The following RPS6KC1 variants were observed in gnomAD, a reference collection of about 807,000 sequenced individuals.
RPS6KC1 encodes inactive ribosomal protein S6 kinase delta-1.
Under a neutral mutation model 103.8 loss-of-function variants are expected in RPS6KC1, and 54 were observed. The observed-to-expected ratio is 0.52, with a 90% CI of 0.42 to 0.65. RPS6KC1 has a LOEUF of 0.65. Among genes scored for constraint, RPS6KC1 ranks in the 30% least tolerant of loss-of-function variants. RPS6KC1 has a pLI of 0.00. For synonymous variants in RPS6KC1, 439 were observed against 438.7 expected (o/e 1.00, Z -0.01); for missense variants, 1,151 against 1,253.8 (o/e 0.92, Z 1.24).
At chr1:213,153,331 A>C (rs993237588) in intron 6 of RPS6KC1, among the ~76,000 whole-genome samples, 1 of 151,738 alleles carries the variant, frequency 6.6e-6, no homozygotes, top group African/African-American at 2.4e-5. Context: ...GGGCAGGGGC[A>C]GGGGCAGAGG....
chr1:213,640,831 A>G, the RPS6KC1 span, among the ~76,000 whole-genome samples: 1 of 151,874 alleles, frequency 6.6e-6, no homozygotes. Context: ...TGAATTGTTC[A>G]TGTTCACTTA....
At chr1:213,692,134 G>A in the RPS6KC1 span, among the ~76,000 whole-genome samples, 1 of 152,214 alleles carries the variant, frequency 6.6e-6, no homozygotes, top group African/African-American at 2.4e-5. Context: ...CAAGGACAGT[G>A]GCTCACACCT....
the RPS6KC1 span, among the ~76,000 whole-genome samples, chr1:213,769,937 T>A: frequency 2.6e-5 from 4 of 151,966 alleles, no homozygotes; most frequent in Admixed American, 2.6e-4. Context: ...TTCTGGAGAG[T>A]GTGAAAATCT....
the RPS6KC1 span, among the ~76,000 whole-genome samples, chr1:213,359,939 T>C: frequency 6.6e-6 from 1 of 152,136 alleles, no homozygotes; most frequent in South Asian, 2.1e-4. Context: ...GTTAGTCTGA[T>C]GGGCTTCCCT....
the RPS6KC1 span, among the ~76,000 whole-genome samples, chr1:213,442,552 G>T: frequency 1.4e-4 from 22 of 152,190 alleles, 1 homozygote; most frequent in Admixed American, 1.4e-3. Context: ...CTAAACCTTA[G>T]TTTCCTCATC....
At chr1:213,780,317 C>G in the RPS6KC1 span, among the ~76,000 whole-genome samples, 2 of 152,154 alleles carry the variant, frequency 1.3e-5, no homozygotes, top group Non-Finnish European at 2.9e-5. Flanking sequence ...CAAAAAGCAG[C>G]GGCCAGATGC....
intron 4 of RPS6KC1, among the ~76,000 whole-genome samples, chr1:213,116,507 A>G (rs1052135099): frequency 4.4e-5 from 5 of 113,478 alleles, no homozygotes; most frequent in Non-Finnish European, 7.1e-5. Flanking sequence ...TCTTTATCCA[A>G]TTTGCCAGTC....
At chr1:213,580,592 G>A in the RPS6KC1 span, among the ~76,000 whole-genome samples, 1 of 151,976 alleles carries the variant, frequency 6.6e-6, no homozygotes, top group Admixed American at 6.5e-5. Context: ...TTCATGAAAG[G>A]AAGAGTCGAT....
At chr1:213,764,134 T>A in the RPS6KC1 span, among the ~76,000 whole-genome samples, 1 of 152,196 alleles carries the variant, frequency 6.6e-6, no homozygotes, top group Non-Finnish European at 1.5e-5. Context: ...ACAGCCCCAG[T>A]GAAGTAGCAG....
intron 3 of RPS6KC1, among the ~76,000 whole-genome samples, chr1:213,079,430 A>AT (rs1468055237): frequency 5.3e-5 from 8 of 151,948 alleles, no homozygotes; most frequent in Non-Finnish European, 1.2e-4. Context: ...TATTATTATT[A>AT]TTTTTTGAGA....
At chr1:213,558,338 C>T in the RPS6KC1 span, among the ~76,000 whole-genome samples, 2 of 152,194 alleles carry the variant, frequency 1.3e-5, no homozygotes, top group African/African-American at 2.4e-5. Context: ...TGGCTTGCGG[C>T]ACCTGCCTCT....
At chr1:213,615,331 A>T in the RPS6KC1 span, among the ~76,000 whole-genome samples, 1 of 152,256 alleles carries the variant, frequency 6.6e-6, no homozygotes, top group East Asian at 1.9e-4. Context: ...TGGAAGGAAC[A>T]GTACAGGGGC....
chr1:213,717,303 T>C, the RPS6KC1 span, among the ~76,000 whole-genome samples: 1 of 152,336 alleles, frequency 6.6e-6, no homozygotes, highest in Non-Finnish European at 1.5e-5. Context: ...ATGATTATCA[T>C]TGCTCAAGGG....
the RPS6KC1 span, among the ~76,000 whole-genome samples, chr1:213,363,527 A>C: frequency 6.6e-6 from 1 of 152,232 alleles, no homozygotes; most frequent in Non-Finnish European, 1.5e-5. Flanking sequence ...TGTTCCAGGC[A>C]GAAGGGGCCT....
chr1:213,797,319 A>G, the RPS6KC1 span, among the ~76,000 whole-genome samples: 9 of 152,224 alleles, frequency 5.9e-5, no homozygotes, highest in African/African-American at 1.9e-4. Flanking sequence ...AAGAATATAC[A>G]TTAACTAAAA....
intron 8 of RPS6KC1, among the ~76,000 whole-genome samples, chr1:213,178,644 G>A (rs900363913): frequency 2.0e-5 from 3 of 152,018 alleles, no homozygotes; most frequent in African/African-American, 7.2e-5. Flanking sequence ...TTCTGCTGAG[G>A]GATAATTTGG....
intron 7 of RPS6KC1, 44 bp from the exon 8 acceptor site, chr1:213,176,356 A>G (rs777772985): frequency 2.9e-6 from 4 of 1,369,792 alleles, no homozygotes; most frequent in East Asian, 4.7e-5. Context: ...CCTTCCTTCA[A>G]GTACCTCCCT....
chr1:213,178,103 T>G (rs2148321457), intron 8 of RPS6KC1, among the ~76,000 whole-genome samples: 1 of 151,702 alleles, frequency 6.6e-6, no homozygotes, highest in African/African-American at 2.4e-5. Context: ...AAGGATCCCC[T>G]GAGCCTGGGG....
the RPS6KC1 span, among the ~76,000 whole-genome samples, chr1:213,569,952 T>C: frequency 2.0e-5 from 3 of 152,228 alleles, no homozygotes. Context: ...CATTGTGCTC[T>C]TTGATCGATA....
Sources: gnomAD v4.1 joint callset for allele counts (sites outside exome capture counted in the v4.1 genomes callset) on GRCh38, gnomAD v4.1.1 for gene constraint, MANE v1.5 for transcripts, NCBI Gene and HGNC (gene_info 2026-07-23, HGNC 2026-07-21) for gene names.